NPRL3: variants seen among roughly 807,000 people sequenced by gnomAD.
NPRL3 encodes NPR3 like, GATOR1 complex subunit, also known as GATOR1 complex protein NPRL3.
A neutral mutation model predicts 57.2 loss-of-function variants in NPRL3; 23 were observed. The observed-to-expected ratio is 0.40, with a 90% CI of 0.29 to 0.57. NPRL3 has a LOEUF of 0.57. Ranked by LOEUF, NPRL3 falls within the 20% of genes least tolerant of loss-of-function variation. The pLI is 0.42. For missense variants in NPRL3, 691 were observed against 767.1 expected, an observed-to-expected ratio of 0.90 and a Z score of 1.17; for synonymous variants, 333 against 321.1, an observed-to-expected ratio of 1.04 and a Z score of -0.39.
chr16:104,210 T>C (rs1899434384), intron 7 of NPRL3, among the ~76,000 whole-genome samples: 1 of 151,112 alleles, frequency 6.6e-6, no homozygotes, highest in South Asian at 2.1e-4. Flanking sequence ...GGAGAATCAC[T>C]TGAACCCAGG....
intron 6 of NPRL3, among the ~76,000 whole-genome samples, chr16:111,216 G>A (rs564141993): frequency 1.1e-4 from 17 of 151,856 alleles, no homozygotes; most frequent in East Asian, 5.9e-4. Context: ...TGGCTAACAC[G>A]GTGAAAACCC....
intron 13 of NPRL3, among the ~76,000 whole-genome samples, chr16:87,862 G>A (rs868750497): frequency 7.9e-4 from 99 of 125,494 alleles, no homozygotes; most frequent in Admixed American, 2.6e-3. Context: ...GAGCCACCGC[G>A]CCTGACTTTT....
At chr16:94,516 A>T in intron 9 of NPRL3, among the ~76,000 whole-genome samples, 1 of 152,170 alleles carries the variant, frequency 6.6e-6, no homozygotes, top group East Asian at 1.9e-4. Flanking sequence ...TGGGAGGGCA[A>T]GGCAGGAGGA....
At position 86,442 on chromosome 16, in the gene NPRL3, C is replaced by G. The variant is rs1398695087; in HGVS notation, c.*263G>C. ...AGAGACAGGAGTCCTGGCAGGCCCC[C>G]CTCCAGCGTGGAGATGCCTACGCGT... On this transcript the variant is annotated 3_prime_UTR_variant, in exon 14 of 14. Transcript: ENST00000611875. 2 of 461,494 alleles carry G rather than the reference C, an allele frequency of 4.3e-6. No homozygotes were observed. The highest frequency in any genetic ancestry group is 3.5e-5 in the Admixed American group (1 of 28,720). The allele number at this position is 461,494 out of a possible 1,614,324, so 28.6% of individuals were successfully genotyped here. A position where few individuals can be genotyped will look rare whatever the true frequency, so the allele number is the denominator to read the frequency against.
At chr16:117,865 C>T (rs984521692) in intron 4 of NPRL3, among the ~76,000 whole-genome samples, 2 of 152,254 alleles carry the variant, frequency 1.3e-5, no homozygotes, top group African/African-American at 4.8e-5. Context: ...TCACAAGGAC[C>T]AGGGCGCTCA....
At chr16:115,327 A>G (rs997342874) in intron 5 of NPRL3, among the ~76,000 whole-genome samples, 3 of 152,166 alleles carry the variant, frequency 2.0e-5, no homozygotes, top group Admixed American at 1.3e-4. Context: ...ACAAAAGTGT[A>G]TATTTTAAAA....
intron 5 of NPRL3, 64 bp downstream of exon 5, chr16:117,236 GA>G (rs1567141866): frequency 4.2e-6 from 5 of 1,196,700 alleles, no homozygotes; most frequent in Non-Finnish European, 6.1e-6. Flanking sequence ...ACGCTCGTTG[GA>G]AAAAAAGAGC....
At chr16:114,941 G>C (rs1038015114) in intron 5 of NPRL3, among the ~76,000 whole-genome samples, 2 of 151,302 alleles carry the variant, frequency 1.3e-5, no homozygotes, top group African/African-American at 4.9e-5. Flanking sequence ...CTCTATTTCA[G>C]GGTTTAAAAT....
At chr16:96,958 C>T (rs568891373) in intron 9 of NPRL3, among the ~76,000 whole-genome samples, 3 of 30,738 alleles carry the variant, frequency 9.8e-5, no homozygotes, top group Admixed American at 7.4e-4. Flanking sequence ...GTTCCCCTAA[C>T]GTGCTAAGCA....
chr16:102,058 A>C (rs1434158788), intron 7 of NPRL3, among the ~76,000 whole-genome samples: 1 of 151,916 alleles, frequency 6.6e-6, no homozygotes, highest in Non-Finnish European at 1.5e-5. Context: ...CAAGGAACAC[A>C]CCGCCCTCCC....
chr16:133,907 G>A (rs1459916509), intron 2 of NPRL3, among the ~76,000 whole-genome samples: 1 of 152,086 alleles, frequency 6.6e-6, no homozygotes. Context: ...GGAACAGGGT[G>A]GTCCAAGGAG....
chr16:96,069 C>A (rs1333733992), intron 9 of NPRL3, among the ~76,000 whole-genome samples: 1 of 152,202 alleles, frequency 6.6e-6, no homozygotes, highest in East Asian at 1.9e-4. Context: ...TGACAAACAG[C>A]CTTCCCTCTC....
chr16:93,327 T>C lies in NPRL3; in HGVS notation c.925-2A>G, dbSNP rs1431914212. 1 of 1,548,436 alleles carries C rather than the reference T, an allele frequency of 6.5e-7. No individual in the cohort carries two copies. The highest frequency in any genetic ancestry group is 1.2e-5 in the South Asian group (1 of 84,022). ...CAGATGAGCTGCAAGCTGGAAAACC[T>C]GCAGGCAAAAGGGAAGCTGCAAGGA... is the stretch of plus-strand genomic sequence containing the variant. On this transcript the variant is annotated splice_acceptor_variant, in intron 9 of 13. Coordinates refer to ENST00000611875, the MANE Select transcript of NPRL3 (RefSeq NM_001077350.3). LOFTEE classifies it high-confidence loss of function.
intron 3 of NPRL3, chr16:127,194 A>T (rs931044581): frequency 6.6e-6 from 1 of 150,582 alleles, no homozygotes; most frequent in African/African-American, 2.5e-5. Flanking sequence ...TTGATGATGC[A>T]CCTCAAAAAA....
At chr16:137,765 A>G (rs867928087) in intron 2 of NPRL3, among the ~76,000 whole-genome samples, 2 of 151,684 alleles carry the variant, frequency 1.3e-5, no homozygotes, top group African/African-American at 4.8e-5. Context: ...AGTTTCAACC[A>G]TGTTGGCCAG....
chr16:88,667 C>A (rs760332502), intron 13 of NPRL3, 31 bp downstream of exon 13: 2 of 1,580,538 alleles, frequency 1.3e-6, no homozygotes, highest in Non-Finnish European at 1.7e-6. Flanking sequence ...CTGCAACTGG[C>A]CCCAGTCCCA....
At chr16:102,852 G>A (rs1430504545) in intron 7 of NPRL3, among the ~76,000 whole-genome samples, 1 of 152,198 alleles carries the variant, frequency 6.6e-6, no homozygotes, top group Non-Finnish European at 1.5e-5. Context: ...TGCTAACCAA[G>A]TATGTCGGGG....
At chr16:125,434 C>G (rs1414877484) in intron 3 of NPRL3, among the ~76,000 whole-genome samples, 1 of 152,174 alleles carries the variant, frequency 6.6e-6, no homozygotes. Context: ...GCTTCTGAGT[C>G]CGGCAATGCT....
At chr16:116,709 T>C (rs1247029010) in intron 5 of NPRL3, among the ~76,000 whole-genome samples, 1 of 148,904 alleles carries the variant, frequency 6.7e-6, no homozygotes, top group Non-Finnish European at 1.5e-5. Context: ...ACGCCTGTAA[T>C]CCCAGCAGTC....
Sources: allele counts gnomAD v4.1 joint callset (sites outside exome capture counted in the v4.1 genomes callset), GRCh38; gene constraint gnomAD v4.1.1; transcripts MANE v1.5; gene names NCBI Gene and HGNC (gene_info 2026-07-23, HGNC 2026-07-21).